Variants in COL18A1 observed in about 807,000 individuals in gnomAD.
COL18A1 encodes the protein collagen type XVIII alpha 1 chain.
In COL18A1, 133 loss-of-function variants were observed where a neutral mutation model predicts 168.0. That is an observed-to-expected ratio of 0.79 (90% CI 0.69 to 0.91). The LOEUF (loss-of-function observed/expected upper bound fraction) is 0.91. Ranked by LOEUF, COL18A1 falls within the 40% of genes least tolerant of loss-of-function variation. The pLI is 0.00. For missense variants in COL18A1, 2,126 were observed against 1,925.4 expected, an observed-to-expected ratio of 1.10 and a Z score of -1.95; for synonymous variants, 949 against 809.0, an observed-to-expected ratio of 1.17 and a Z score of -2.94.
At chr21:45,438,628 C>G (rs919513115) in intron 2 of COL18A1, among the ~76,000 whole-genome samples, 1 of 152,220 alleles carries the variant, frequency 6.6e-6, no homozygotes, top group African/African-American at 2.4e-5. Context: ...GGAGTGTGTG[C>G]TGTAGAGGCT....
intron 2 of COL18A1, chr21:45,422,470 A>G (rs765563449): frequency 3.8e-6 from 2 of 530,986 alleles, no homozygotes; most frequent in Non-Finnish European, 7.7e-6. Context: ...AGGACAGAAT[A>G]GATGGCAGAA....
chr21:45,430,090 A>G (rs565659802), intron 2 of COL18A1, among the ~76,000 whole-genome samples: 152 of 119,742 alleles, frequency 1.3e-3, no homozygotes, highest in East Asian at 2.5e-3. Flanking sequence ...GGGGGCCCCC[A>G]TCTCCCTAGC....
rs1475757652 is a variant in COL18A1, at chr21:45,480,056, T to A, written c.1312-14T>A. 3.7e-6 allele frequency: 6 copies of A among 1,611,180 alleles called. No homozygotes were observed. In the South Asian group the frequency reaches 5.5e-5, roughly 15 times the overall value. Reference sequence around the variant, plus strand: ...GCGTGCCCAGGGTATGATAGGCTTGTCTTGTGTTCCCAGGGAGACCCTGGG... The same window carrying A: ...GCGTGCCCAGGGTATGATAGGCTTGACTTGTGTTCCCAGGGAGACCCTGGG... On this transcript the variant is annotated splice_polypyrimidine_tract_variant and intron_variant, in intron 10 of 41. Coordinates refer to ENST00000651438, the MANE Select transcript of COL18A1 (RefSeq NM_001379500.1).
intron 30 of COL18A1, 122 bp from the exon 31 acceptor site, chr21:45,496,928 G>T: frequency 1.4e-6 from 1 of 734,624 alleles, no homozygotes. Flanking sequence ...TCTCTGACTG[G>T]GGGAGGCTGC....
At chr21:45,440,628 C>T (rs866581953) in intron 2 of COL18A1, among the ~76,000 whole-genome samples, 3 of 147,348 alleles carry the variant, frequency 2.0e-5, no homozygotes, top group Admixed American at 6.7e-5. Context: ...GAGCCACGTT[C>T]CCCGGAAGCA....
Position 45,463,601 on chromosome 21 carries a change from A to G in COL18A1, c.107-4641A>G, listed in dbSNP as rs146932664. 4.7e-3 allele frequency among the ~76,000 whole-genome samples: 714 copies of G among 152,316 alleles called. 1 individual carries two copies. Among genetic ancestry groups the G allele is most frequent in the African/African-American group, 0.016 (675 of 41,576 alleles). ...ATTTTCAAACACGTTTCTTTCTGTC[A>G]AGAAATCAAGTCTTGGCCAGGCATG... is the stretch of plus-strand genomic sequence containing the variant. On this transcript the variant is annotated intron_variant, in intron 2 of 41. Transcript: ENST00000651438. This position sits in a 1 kb window ranked among gnomAD's most constrained non-coding sequence, Gnocchi z 4.0.
chr21:45,418,685 CGG>C (rs2033522456), intron 2 of COL18A1, among the ~76,000 whole-genome samples: 1 of 150,360 alleles, frequency 6.7e-6, no homozygotes, highest in Non-Finnish European at 1.5e-5. Context: ...CTCAGGGAAG[CGG>C]CACCTCCTCA....
Position 45,457,550 on chromosome 21 carries a change from G to GGGCA in COL18A1, c.107-10689_107-10686dup, listed in dbSNP as rs2034881064. On this transcript the variant is annotated intron_variant, in intron 2 of 41. Coordinates refer to ENST00000651438, the MANE Select transcript of COL18A1 (RefSeq NM_001379500.1). This position sits in a 1 kb window ranked among gnomAD's most constrained non-coding sequence, Gnocchi z 4.6. ...GCCTTGTTGCTGGCTGGACAGTTGG[G>GGGCA]GGCAGGAAGAGGAGGGAAAGGGGGA... is the stretch of plus-strand genomic sequence containing the variant. Among the ~76,000 whole-genome samples the GGGCA allele has an allele frequency of 6.6e-6, 1 of 152,228 alleles. No homozygotes were observed. Among genetic ancestry groups the GGGCA allele is most frequent in the African/African-American group, 2.4e-5 (1 of 41,452 alleles).
At chr21:45,497,442 C>T (rs1208442492) in intron 31 of COL18A1, among the ~76,000 whole-genome samples, 157 bp from the exon 32 acceptor site, 1 of 152,234 alleles carries the variant, frequency 6.6e-6, no homozygotes, top group Non-Finnish European at 1.5e-5. Context: ...CCAGGGCGCC[C>T]CTGCTCTCCA....
In COL18A1 at chr21:45,477,332, G is replaced by A. The variant is rs912657329; in HGVS notation, c.929-79G>A. The A allele has an allele frequency of 1.2e-5, 14 of 1,183,254 alleles. No homozygotes were observed. The South Asian group carries it at 1.3e-4, about 11-fold the overall frequency. 73.3% of individuals were successfully genotyped at this position (1,183,254 alleles called of 1,614,324 possible). A position where few individuals can be genotyped will look rare whatever the true frequency, so the allele number is the denominator to read the frequency against. ...CAGGACTGAAAGCGTTTGGGCTGCC[G>A]GGGCCGTCTGGGGTGCCGAGAGCAG... On this transcript the variant is annotated intron_variant, in intron 6 of 41. Coordinates refer to ENST00000651438, the MANE Select transcript of COL18A1 (RefSeq NM_001379500.1).
At chr21:45,417,867 A>G (rs1411815714) in intron 2 of COL18A1, among the ~76,000 whole-genome samples, 1 of 152,130 alleles carries the variant, frequency 6.6e-6, no homozygotes, top group East Asian at 1.9e-4. Context: ...GGGAAGAGAG[A>G]AAAGGGGGTT....
In COL18A1 at chr21:45,493,057, C is replaced by T. The variant is rs557165444; in HGVS notation, c.2215-106C>T. Reference sequence around the variant, plus strand: ...CCGCGAGGGGCCCTGGTCGGGCTGTCGAGGCAGGCATATTGCGGGGGGCAG... The same window carrying T: ...CCGCGAGGGGCCCTGGTCGGGCTGTTGAGGCAGGCATATTGCGGGGGGCAG... On this transcript the variant is annotated intron_variant, in intron 24 of 41. Transcript: ENST00000651438. The T allele has an allele frequency of 4.4e-5, 53 of 1,202,208 alleles. 1 individual carries two copies. In the East Asian group the frequency reaches 9.2e-4, roughly 21 times the overall value. The allele number at this position is 1,202,208 out of a possible 1,614,324, so 74.5% of individuals were successfully genotyped here.
chr21:45,456,592 G>C, intron 2 of COL18A1: 1 of 1,542,234 alleles, frequency 6.5e-7, no homozygotes, highest in African/African-American at 1.4e-5. Flanking sequence ...GCTTCTGGCT[G>C]CCCAACCACC....
At chr21:45,444,469 G>A (rs2034462441) in intron 2 of COL18A1, among the ~76,000 whole-genome samples, 1 of 152,130 alleles carries the variant, frequency 6.6e-6, no homozygotes, top group Admixed American at 6.5e-5. Context: ...CGGACTTTTG[G>A]TTTTCTGGCT....
intron 2 of COL18A1, among the ~76,000 whole-genome samples, chr21:45,452,054 C>T (rs2034634069): frequency 6.6e-6 from 1 of 152,258 alleles, no homozygotes; most frequent in Non-Finnish European, 1.5e-5. Context: ...AACTGCTGCT[C>T]CTTGTGCCTC....
chr21:45,440,418 C>T (rs1349238322), intron 2 of COL18A1, among the ~76,000 whole-genome samples: 3 of 152,210 alleles, frequency 2.0e-5, no homozygotes, highest in African/African-American at 7.2e-5. Flanking sequence ...CAGGCCCTGC[C>T]CAGGGCTGAC....
Position 45,512,480 on chromosome 21 carries a change from C to G in COL18A1, c.*82C>G. ...CGTGGGCAGGGAGCGGCCGGCCAGC[C>G]CCTGGCCCCAGGACCTGGCTGCCAT... On this transcript the variant is annotated 3_prime_UTR_variant, in exon 42 of 42. Transcript: ENST00000651438. The G allele has an allele frequency of 7.3e-7, 1 of 1,370,192 alleles. No homozygotes were observed. Among genetic ancestry groups the G allele is most frequent in the Non-Finnish European group, 1.0e-6 (1 of 983,190 alleles). The allele number at this position is 1,370,192 out of a possible 1,614,324, so 84.9% of individuals were successfully genotyped here. A position where few individuals can be genotyped will look rare whatever the true frequency, so the allele number is the denominator to read the frequency against.
chr21:45,488,094 G>A (rs11089009), intron 17 of COL18A1, among the ~76,000 whole-genome samples: 38,543 of 152,082 alleles, frequency 0.25, 4,853 homozygotes, highest in African/African-American at 0.3. Context: ...AGGAGCCCCC[G>A]GGGCCACAGC....
intron 39 of COL18A1, 125 bp from the exon 40 acceptor site, chr21:45,509,939 G>A (rs966412795): frequency 7.0e-5 from 78 of 1,116,336 alleles, no homozygotes; most frequent in Non-Finnish European, 8.2e-5. Flanking sequence ...TCACTTGCGC[G>A]CCTCCCGCTC....
Sources: gnomAD v4.1 joint callset for allele counts (sites outside exome capture counted in the v4.1 genomes callset) on GRCh38, gnomAD v4.1.1 for gene constraint, Gnocchi (gnomAD v3.1) non-coding constraint, MANE v1.5 for transcripts, NCBI Gene and HGNC (gene_info 2026-07-23, HGNC 2026-07-21) for gene names.